KLK12: variants seen among roughly 807,000 people sequenced by gnomAD.
KLK12 encodes kallikrein related peptidase 12.
KLK12 carries 23 observed loss-of-function variants against 20.0 expected under a neutral mutation model. The observed-to-expected ratio is 1.15, with a 90% CI of 0.83 to 1.63. The LOEUF (loss-of-function observed/expected upper bound fraction) is 1.63. KLK12 is among the 40% of genes most tolerant of loss of function. KLK12 has a pLI of 0.00. For synonymous variants in KLK12, 147 were observed against 141.9 expected, an observed-to-expected ratio of 1.04 and a Z score of -0.25; for missense variants, 351 against 338.6, an observed-to-expected ratio of 1.04 and a Z score of -0.29.
Position 51,034,088 on chromosome 19 carries a change from C to T in KLK12, c.89G>A (p.Arg30His), listed in dbSNP as rs754453984. Residue 30 changes from arginine to histidine, a missense_variant, in exon 3 of 6, where the codon CGT (arginine) becomes CAT (histidine). Arg to His is a conservative substitution (Grantham distance 29). Coordinates refer to ENST00000684732, the MANE Select transcript of KLK12 (RefSeq NM_001370125.1). ...CCCCACCTGCCACGGCTGTGAGTTA[C>T]GCCCACACTCAGTGCCATTGAAAAT... ...PKIFNGTECG[R>H]NSQPWQVGLF... is the part of the protein sequence containing the mutation. 2.0e-5 allele frequency: 31 copies of T among 1,566,474 alleles called. No homozygotes were observed. The highest frequency in any genetic ancestry group is 4.1e-5 in the African/African-American group (3 of 73,796).
Position 51,030,507 on chromosome 19 carries a change from C to T in KLK12, c.591+281G>A, listed in dbSNP as rs578062228. The stretch of plus-strand genomic sequence containing the variant: ...TGGGGCCACAGGCTTGCACCACCAC[C>T]CCCGGCTAATTCTGGTATTTTTAGT... On this transcript the variant is annotated intron_variant, in intron 5 of 5. Transcript: ENST00000684732. Among the ~76,000 whole-genome samples, 4 of 151,944 alleles carry T rather than the reference C, an allele frequency of 2.6e-5. No homozygotes were observed. In the East Asian group the frequency reaches 7.8e-4, roughly 30 times the overall value.
At chr19:51,030,033 C>T (rs113977308) in intron 5 of KLK12, 4,286 of 164,464 alleles carry the variant, frequency 0.026, 196 homozygotes, top group African/African-American at 0.098. Context: ...TGGCTGGGGC[C>T]CTGACCAATG....
chr19:51,030,820 C>T lies in KLK12; in HGVS notation c.559G>A (p.Ala187Thr). 1 of 1,614,152 alleles carries T rather than the reference C, an allele frequency of 6.2e-7. No individual in the cohort carries two copies. Among genetic ancestry groups the T allele is most frequent in the Non-Finnish European group, 8.5e-7 (1 of 1,180,030 alleles). Residue 187 changes from alanine to threonine, a missense_variant, in exon 5 of 6, where the codon GCA becomes ACA. Coordinates refer to ENST00000684732, the MANE Select transcript of KLK12 (RefSeq NM_001370125.1). Reference protein sequence around the residue: ...PGRITSNMVCAGGVPGQDACQ... With the variant: ...PGRITSNMVCTGGVPGQDACQ... ...GCATCCTGCCCCGGGACGCCGCCTG[C>T]ACACACCATGTTGCTCGTGATTCTC...
At chr19:51,032,624 T>A (rs949220961) in intron 3 of KLK12, among the ~76,000 whole-genome samples, 1 of 151,966 alleles carries the variant, frequency 6.6e-6, no homozygotes, top group Non-Finnish European at 1.5e-5. Context: ...TGACCTCAAG[T>A]GATCCGCCCG....
At chr19:51,032,161 T>C (rs1172511601) in intron 3 of KLK12, 26 bp from the exon 4 acceptor site, 7 of 1,578,128 alleles carry the variant, frequency 4.4e-6, no homozygotes, top group Non-Finnish European at 6.0e-6. Flanking sequence ...GCTGAGCGGG[T>C]GGCAGGCACG....
intron 3 of KLK12, among the ~76,000 whole-genome samples, chr19:51,032,912 CT>C (rs922609033): frequency 4.5e-4 from 68 of 152,128 alleles, no homozygotes; most frequent in African/African-American, 1.2e-3. Flanking sequence ...CTGATCTCCC[CT>C]TTCACAAAAA....
chr19:51,032,282 C>T, intron 3 of KLK12, 147 bp from the exon 4 acceptor site: 1 of 901,200 alleles, frequency 1.1e-6, no homozygotes, highest in Non-Finnish European at 1.7e-6. Context: ...CTCCGAGTCT[C>T]TCTTACAGGC....
chr19:51,030,722 C>T, intron 5 of KLK12, 66 bp downstream of exon 5: 2 of 1,601,520 alleles, frequency 1.2e-6, no homozygotes, highest in Non-Finnish European at 1.7e-6. Context: ...AGTTCCCCTC[C>T]TGCTTCCAGC....
At chr19:51,031,677 T>C (rs2091559297) in intron 4 of KLK12, 199 bp downstream of exon 4, 1 of 686,532 alleles carries the variant, frequency 1.5e-6, no homozygotes, top group Non-Finnish European at 2.6e-6. Flanking sequence ...CCTGACTTCA[T>C]ACCCAGTCCT....
chr19:51,034,369 A>T (rs1311063785), intron 2 of KLK12: 37 of 1,325,908 alleles, frequency 2.8e-5, no homozygotes, highest in Admixed American at 7.9e-5. Flanking sequence ...AGAGATTCAG[A>T]GAGGGACAGA....
intron 2 of KLK12, 72 bp downstream of exon 2, chr19:51,034,513 G>C: frequency 1.3e-6 from 2 of 1,572,076 alleles, no homozygotes; most frequent in Non-Finnish European, 8.6e-7. Context: ...TGGGGAGGGT[G>C]GTGGGGCCTC....
At chr19:51,034,207 G>A (rs1599772689) in intron 2 of KLK12, 68 bp from the exon 3 acceptor site, 1 of 1,487,734 alleles carries the variant, frequency 6.7e-7, no homozygotes, top group Non-Finnish European at 9.2e-7. Flanking sequence ...GACACACAGA[G>A]TGAGAGAGAG....
intron 2 of KLK12, 160 bp from the exon 3 acceptor site, chr19:51,034,299 T>C (rs1412782281): frequency 3.5e-6 from 4 of 1,155,610 alleles, no homozygotes; most frequent in South Asian, 1.5e-5. Context: ...AAAAAGACCA[T>C]GAAACATCAA....
intron 5 of KLK12, 83 bp downstream of exon 5, chr19:51,030,705 C>T (rs374348155): frequency 1.9e-6 from 3 of 1,563,652 alleles, no homozygotes; most frequent in Non-Finnish European, 2.6e-6. Flanking sequence ...CTGATTCATC[C>T]TCCATCAGTT....
chr19:51,033,402 G>A (rs965330034), intron 3 of KLK12, among the ~76,000 whole-genome samples: 1 of 151,990 alleles, frequency 6.6e-6, no homozygotes, highest in African/African-American at 2.4e-5. Flanking sequence ...GGTCATTTGA[G>A]GCCAGGAGTT....
Position 51,030,778 on chromosome 19 carries a change from A to T in KLK12, c.591+10T>A, listed in dbSNP as rs760800094. 3 of 1,612,982 alleles carry T rather than the reference A, an allele frequency of 1.9e-6. No individual in the cohort carries two copies. In the East Asian group the frequency reaches 6.7e-5, roughly 36 times the overall value. On this transcript the variant is annotated intron_variant, in intron 5 of 5. Transcript: ENST00000684732. ...CCTGGTGACCACGCACGCTGCCTGC[A>T]CTGGCTCACCTGGCAGGCATCCTGC...
In KLK12 at chr19:51,034,897, C is replaced by A; in HGVS notation, c.-111G>T. On this transcript the variant is annotated 5_prime_UTR_variant, in exon 1 of 6. Transcript: ENST00000684732. ...TCTCTCCGTCCACCTACCTGCCTGT[C>A]TTCTCATGTGCTGGCCACTCCGCCA... The A allele has an allele frequency of 7.3e-7, 1 of 1,366,284 alleles. No individual in the cohort carries two copies. Among genetic ancestry groups the A allele is most frequent in the Non-Finnish European group, 9.5e-7 (1 of 1,056,138 alleles). The allele number at this position is 1,366,284 out of a possible 1,614,324, so 84.6% of individuals were successfully genotyped here.
Position 51,034,826 on chromosome 19 carries a change from A to C in KLK12, c.-40T>G. The C allele has an allele frequency of 6.9e-7, 1 of 1,451,652 alleles. No homozygotes were observed. The highest frequency in any genetic ancestry group is 9.1e-7 in the Non-Finnish European group (1 of 1,102,634). The allele number at this position is 1,451,652 out of a possible 1,614,324, so 89.9% of individuals were successfully genotyped here. On this transcript the variant is annotated 5_prime_UTR_variant, in exon 1 of 6. Transcript: ENST00000684732. ...CTCACCTTGTCTCTTTGTCTGCCAG[A>C]TCCTCTACGTGGCTGTCACTGTTTG...
rs775167382 is a variant in KLK12 at position 51,031,855 on chromosome 19, C to T, written c.457+21G>A. On this transcript the variant is annotated intron_variant, in intron 4 of 5. Transcript: ENST00000684732. ...ACTTGTACCCATCCTGACCCCTGACCCCTGGCCCTGGGCCCCTTACTCCGT... is the reference window on the plus strand; with the variant it reads ...ACTTGTACCCATCCTGACCCCTGACTCCTGGCCCTGGGCCCCTTACTCCGT... The T allele has an allele frequency of 4.3e-6, 7 of 1,612,756 alleles. No homozygotes were observed. In the Admixed American group the frequency reaches 6.7e-5, roughly 15 times the overall value.
Sources: allele counts gnomAD v4.1 joint callset (sites outside exome capture counted in the v4.1 genomes callset), GRCh38; gene constraint gnomAD v4.1.1; transcripts MANE v1.5; gene names NCBI Gene and HGNC (gene_info 2026-07-23, HGNC 2026-07-21).